The following SNPH variants were observed in gnomAD, a reference collection of about 807,000 sequenced individuals.
SNPH encodes syntaphilin.
In SNPH, 10 loss-of-function variants were observed where a neutral mutation model predicts 36.8. The observed-to-expected ratio is 0.27, with a 90% confidence interval of 0.17 to 0.46. The LOEUF (loss-of-function observed/expected upper bound fraction) is 0.46. Ranked by LOEUF, SNPH falls within the 20% of genes least tolerant of loss-of-function variation. The pLI is 1.00. For missense variants in SNPH, 622 were observed against 744.0 expected, an observed-to-expected ratio of 0.84 and a Z score of 1.91; for synonymous variants, 281 against 312.2, an observed-to-expected ratio of 0.90 and a Z score of 1.05.
intron 2 of SNPH, among the ~76,000 whole-genome samples, chr20:1,284,829 A>C (rs77814671): frequency 0.013 from 1,994 of 152,342 alleles, 29 homozygotes; most frequent in African/African-American, 0.031. Flanking sequence ...CATCAGCCGA[A>C]GAAAAGGCTT....
At chr20:1,273,510 C>T (rs1456736203) in intron 2 of SNPH, among the ~76,000 whole-genome samples, 1 of 152,198 alleles carries the variant, frequency 6.6e-6, no homozygotes, top group African/African-American at 2.4e-5. Context: ...GGTCCCTACC[C>T]TCAGGGAGCT....
At chr20:1,287,747 G>A (rs1428314643) in intron 2 of SNPH, among the ~76,000 whole-genome samples, 1 of 152,256 alleles carries the variant, frequency 6.6e-6, no homozygotes, top group East Asian at 1.9e-4. Context: ...AGGGATGGAA[G>A]TCTCACCATT....
chr20:1,280,549 A>T (rs996011852), intron 2 of SNPH, among the ~76,000 whole-genome samples: 2 of 152,160 alleles, frequency 1.3e-5, no homozygotes, highest in African/African-American at 2.4e-5. Context: ...ATGAGGTGGG[A>T]TGTGTTATCT....
chr20:1,305,630 ACCCTTCAGGGC>A lies in SNPH; in HGVS notation c.1196_1206del (p.Pro399GlnfsTer13). On this transcript the variant is annotated frameshift_variant, in exon 7 of 7. Coordinates refer to ENST00000381867, the MANE Select transcript of SNPH (RefSeq NM_001318234.2). LOFTEE classifies it high-confidence loss of function. ...GACAGGTGCCCAGAGCTGGATGCCC[ACCCTTCAGGGC>A]CCAGAGACCCCAACTCAGCAGTGGT... is the stretch of plus-strand genomic sequence containing the variant. 6.2e-7 allele frequency: 1 copy of A among 1,613,456 alleles called. No homozygotes were observed. The highest frequency in any genetic ancestry group is 8.5e-7 in the Non-Finnish European group (1 of 1,179,986).
chr20:1,302,818 G>A (rs892845227), intron 6 of SNPH, among the ~76,000 whole-genome samples: 9 of 152,234 alleles, frequency 5.9e-5, no homozygotes, highest in South Asian at 2.1e-4. Context: ...AGGCGGTTAC[G>A]GGTAGCATTC....
intron 5 of SNPH, among the ~76,000 whole-genome samples, chr20:1,299,033 T>C (rs536984711): frequency 1.3e-5 from 2 of 151,750 alleles, no homozygotes; most frequent in East Asian, 3.9e-4. Context: ...TGCCAAGGGG[T>C]GACTCCTCCG....
In SNPH at chr20:1,297,137, G is replaced by C. The variant is rs1315486326; in HGVS notation, c.183-8G>C. On this transcript the variant is annotated splice_polypyrimidine_tract_variant and splice_region_variant and intron_variant, in intron 4 of 6. Transcript: ENST00000381867. ...GAACGAGCACCTGCCTCTTCTTCCTGCCTCCAGGCGCACCTCTCCACCTGT... is the reference window on the plus strand; with the variant it reads ...GAACGAGCACCTGCCTCTTCTTCCTCCCTCCAGGCGCACCTCTCCACCTGT... 7 of 1,609,054 alleles carry C rather than the reference G, an allele frequency of 4.4e-6. 1 individual carries two copies. In the South Asian group the frequency reaches 6.6e-5, roughly 15 times the overall value.
intron 2 of SNPH, among the ~76,000 whole-genome samples, chr20:1,273,786 G>A (rs958475603): frequency 1.3e-5 from 2 of 152,056 alleles, no homozygotes; most frequent in African/African-American, 2.4e-5. Flanking sequence ...AAGATGGGAC[G>A]GAGAAAAAAA....
In SNPH at chr20:1,305,677, G is replaced by A; in HGVS notation, c.1240G>A (p.Gly414Ser). The A allele has an allele frequency of 6.2e-7, 1 of 1,611,808 alleles. No homozygotes were observed. Among genetic ancestry groups the A allele is most frequent in the East Asian group, 2.2e-5 (1 of 44,864 alleles). Residue 414 changes from glycine to serine, a missense_variant, in exon 7 of 7, where the codon GGT becomes AGT. This residue lies in a region of SNPH where 379 missense variants were observed against 427.9 expected (regional missense o/e 0.89). Coordinates refer to ENST00000381867, the MANE Select transcript of SNPH (RefSeq NM_001318234.2). ...CAACTCAGCAGTGGTGGTGACAGTG[G>A]GTGATGAGCTAGAGGCCCCAGAGCC... ...DPNSAVVVTV[G>S]DELEAPEPIT...
chr20:1,297,275 GCCTGGC>G, intron 5 of SNPH, 23 bp downstream of exon 5: 1 of 1,605,524 alleles, frequency 6.2e-7, no homozygotes, highest in African/African-American at 1.3e-5. Flanking sequence ...TCCTCTCTGG[GCCTGGC>G]CCTGCTGGCT....
intron 2 of SNPH, among the ~76,000 whole-genome samples, chr20:1,269,753 G>A (rs778627861): frequency 2.7e-4 from 41 of 152,182 alleles, no homozygotes; most frequent in Admixed American, 2.6e-3. Context: ...CGAGGATAAT[G>A]GTTAGGCCTG....
Position 1,305,273 on chromosome 20 carries a change from G to T in SNPH, c.836G>T (p.Gly279Val), listed in dbSNP as rs1281991584. 1.9e-6 allele frequency: 3 copies of T among 1,610,726 alleles called. No individual in the cohort carries two copies. Among genetic ancestry groups the T allele is most frequent in the Non-Finnish European group, 1.7e-6 (2 of 1,179,842 alleles). The change falls in exon 7 of 7, where the codon GGC becomes GTC. Residue 279 changes from glycine to valine, a missense_variant. Physicochemically the swap from Gly to Val is moderately radical, Grantham distance 109. Around this residue, in one of 3 missense-constraint regions of SNPH, gnomAD observed 379 missense variants for 427.9 expected, o/e 0.89. Transcript: ENST00000381867. ...GDRQPGDPSS[G>V]SAEDGADSGF... is the part of the protein sequence containing the mutation. ...CGCCAGCCGGGTGATCCCTCCAGCG[G>T]CTCTGCTGAGGATGGGGCAGACAGT...
chr20:1,305,083 A>C lies in SNPH; in HGVS notation c.646A>C (p.Ile216Leu), dbSNP rs2088550708. The C allele has an allele frequency of 5.6e-6, 9 of 1,614,046 alleles. No individual in the cohort carries two copies. The highest frequency in any genetic ancestry group is 7.6e-6 in the Non-Finnish European group (9 of 1,180,040). ...GLQKYFVDIN[I>L]QNKKLETLLH... ...GCAGAAGTACTTCGTGGACATCAAC[A>C]TCCAGAACAAGAAGCTGGAGACGCT... Residue 216 changes from isoleucine (I) to leucine (L), a missense_variant, in exon 7 of 7, where the codon ATC becomes CTC. Coordinates refer to ENST00000381867, the MANE Select transcript of SNPH (RefSeq NM_001318234.2).
At chr20:1,300,174 A>G (rs956849447) in intron 5 of SNPH, among the ~76,000 whole-genome samples, 1 of 152,184 alleles carries the variant, frequency 6.6e-6, no homozygotes, top group Non-Finnish European at 1.5e-5. Context: ...GGCTCGGGGC[A>G]AGAGCTAACC....
intron 2 of SNPH, among the ~76,000 whole-genome samples, chr20:1,282,583 C>G (rs1173290494): frequency 6.6e-6 from 1 of 152,158 alleles, no homozygotes; most frequent in Non-Finnish European, 1.5e-5. Flanking sequence ...AAAACTGGAA[C>G]TGGAAGGCTT....
At chr20:1,280,244 A>C (rs2088200979) in intron 2 of SNPH, among the ~76,000 whole-genome samples, 1 of 152,220 alleles carries the variant, frequency 6.6e-6, no homozygotes, top group Admixed American at 6.5e-5. Context: ...ATGTAGGCTC[A>C]GTAACTCCCA....
chr20:1,266,579 C>G lies in SNPH; in HGVS notation c.-599-75C>G. 4.3e-6 allele frequency: 6 copies of G among 1,401,922 alleles called. No homozygotes were observed. The highest frequency in any genetic ancestry group is 4.6e-6 in the Non-Finnish European group (5 of 1,084,448). 86.8% of individuals were successfully genotyped at this position (1,401,922 alleles called of 1,614,324 possible). On this transcript the variant is annotated intron_variant, in intron 1 of 6. Coordinates refer to ENST00000381867, the MANE Select transcript of SNPH (RefSeq NM_001318234.2). This position sits in a 1 kb window ranked among gnomAD's most constrained non-coding sequence, Gnocchi z 6.0. ...CTGCAGCGGCCCAGCTGTCAGCGGC[C>G]GGGGGCTCAGCTGCCTGGGTGTTCC... is the stretch of plus-strand genomic sequence containing the variant.
rs6041227 is a variant in SNPH at position 1,297,331 on chromosome 20, G to A, written c.290+79G>A. Reference sequence around the variant, plus strand: ...CTGGGGTGGGAGAGGTAAGGGAGCAGGGTCGTGTTCTAACCACCCCTGACG... The same window carrying A: ...CTGGGGTGGGAGAGGTAAGGGAGCAAGGTCGTGTTCTAACCACCCCTGACG... On this transcript the variant is annotated intron_variant, in intron 5 of 6. Coordinates refer to ENST00000381867, the MANE Select transcript of SNPH (RefSeq NM_001318234.2). The A allele has an allele frequency of 1.6e-5, 23 of 1,425,242 alleles. 1 individual carries two copies. In the South Asian group the frequency reaches 2.1e-4, roughly 13 times the overall value. 88.3% of individuals were successfully genotyped at this position (1,425,242 alleles called of 1,614,324 possible). A position where few individuals can be genotyped will look rare whatever the true frequency, so the allele number is the denominator to read the frequency against.
intron 4 of SNPH, among the ~76,000 whole-genome samples, 170 bp downstream of exon 4, chr20:1,296,591 C>T (rs893186493): frequency 1.3e-5 from 2 of 152,210 alleles, no homozygotes; most frequent in Non-Finnish European, 2.9e-5. Context: ...TATTTAATGG[C>T]TCAAATGACA....
Sources: allele counts gnomAD v4.1 joint callset (sites outside exome capture counted in the v4.1 genomes callset), GRCh38; gene constraint gnomAD v4.1.1; regional missense constraint gnomAD v4.1.1; non-coding constraint Gnocchi (gnomAD v3.1); transcripts MANE v1.5; gene names NCBI Gene and HGNC (gene_info 2026-07-23, HGNC 2026-07-21).